The following SNTG2 variants were observed in gnomAD, a reference collection of about 807,000 sequenced individuals.
SNTG2 encodes the protein gamma-2-syntrophin.
A neutral mutation model predicts 70.9 loss-of-function variants in SNTG2; 74 were observed. The observed-to-expected ratio is 1.04, with a 90% CI of 0.86 to 1.27. SNTG2 has a LOEUF of 1.27. Among genes scored for constraint, SNTG2 ranks in the 50% most tolerant of loss-of-function variants. The pLI is 0.00. For missense variants in SNTG2, 717 were observed against 690.7 expected (o/e 1.04, Z -0.43); for synonymous variants, 278 against 273.8 (o/e 1.02, Z -0.15).
chr2:1,235,094 AG>A (rs1198651039), intron 9 of SNTG2, among the ~76,000 whole-genome samples: 1 of 152,158 alleles, frequency 6.6e-6, no homozygotes, highest in South Asian at 2.1e-4. Context: ...AATTCATGAG[AG>A]GGGGGACCCC....
Position 1,316,303 on chromosome 2 carries a change from A to G in SNTG2, c.1416A>G (p.Gly472=). 1 of 1,549,760 alleles carries G rather than the reference A, an allele frequency of 6.5e-7. No individual in the cohort carries two copies. The highest frequency in any genetic ancestry group is 2.4e-5 in the East Asian group (1 of 40,898). The part of the protein sequence containing the change: ...LWRFKFSQLK[G]SSDDGKTRVK... The stretch of plus-strand genomic sequence containing the variant: ...GATTTAAATTTTCCCAGCTTAAGGG[A>G]TCTTCAGATGATGGGAAAACTCGAG... Residue 472 remains glycine (G), a synonymous_variant, in exon 16 of 17, where the codon GGA becomes GGG. Coordinates refer to ENST00000308624, the MANE Select transcript of SNTG2 (RefSeq NM_018968.4).
At chr2:1,286,366 C>T (rs1679766769) in intron 14 of SNTG2, among the ~76,000 whole-genome samples, 1 of 152,170 alleles carries the variant, frequency 6.6e-6, no homozygotes, top group Non-Finnish European at 1.5e-5. Flanking sequence ...CCCTTCCCTG[C>T]AAAGTATTGT....
intron 8 of SNTG2, among the ~76,000 whole-genome samples, chr2:1,207,296 C>A (rs4622766): frequency 0.32 from 49,150 of 151,972 alleles, 8,459 homozygotes; most frequent in East Asian, 0.65. Context: ...CTGTAAAATT[C>A]AGCTCAGAGT....
intron 15 of SNTG2, among the ~76,000 whole-genome samples, chr2:1,315,224 T>G (rs1412741040): frequency 6.6e-6 from 1 of 152,224 alleles, no homozygotes; most frequent in Non-Finnish European, 1.5e-5. Flanking sequence ...AAACATGTGC[T>G]TTGACACTTT....
At position 1,257,955 on chromosome 2, in the gene SNTG2, T is replaced by G. The variant is rs866742307; in HGVS notation, c.1006-1415T>G. Among the ~76,000 whole-genome samples, 940 of 152,054 alleles carry G rather than the reference T, an allele frequency of 6.2e-3. 8 individuals carry two copies. The highest frequency in any genetic ancestry group is 0.022 in the African/African-American group (899 of 41,430). ...TCTCTGAATAGGGTGTTTAGTGGGT[T>G]TTTTTTCCCCTTTATATTTACAGCC... On this transcript the variant is annotated intron_variant, in intron 12 of 16. Coordinates refer to ENST00000308624, the MANE Select transcript of SNTG2 (RefSeq NM_018968.4).
intron 13 of SNTG2, among the ~76,000 whole-genome samples, chr2:1,260,795 G>T (rs961868538): frequency 1.3e-5 from 2 of 152,176 alleles, no homozygotes; most frequent in Admixed American, 6.5e-5. Flanking sequence ...ATTCGTAGAA[G>T]AATTCTTGGC....
intron 7 of SNTG2, among the ~76,000 whole-genome samples, chr2:1,170,412 G>A (rs1447661979): frequency 3.3e-5 from 5 of 152,272 alleles, no homozygotes; most frequent in Admixed American, 2.6e-4. Flanking sequence ...CTCGGCAGCC[G>A]GGAATTTCCT....
At chr2:1,300,765 T>G (rs1680426769) in intron 14 of SNTG2, among the ~76,000 whole-genome samples, 2 of 152,210 alleles carry the variant, frequency 1.3e-5, no homozygotes, top group African/African-American at 4.8e-5. Flanking sequence ...GCGTGAATTT[T>G]TAATATATTT....
chr2:1,017,556 C>G (rs1659942279), intron 1 of SNTG2, among the ~76,000 whole-genome samples: 1 of 152,168 alleles, frequency 6.6e-6, no homozygotes, highest in South Asian at 2.1e-4. Flanking sequence ...GGGACACACA[C>G]ACACATACAC....
chr2:1,177,476 G>C (rs1671556960), intron 8 of SNTG2, among the ~76,000 whole-genome samples: 1 of 145,664 alleles, frequency 6.9e-6, no homozygotes, highest in Non-Finnish European at 1.5e-5. Context: ...ATGTACTCTG[G>C]AACTTAAAAA....
At chr2:1,282,049 A>G (rs560468998) in intron 14 of SNTG2, among the ~76,000 whole-genome samples, 1 of 152,194 alleles carries the variant, frequency 6.6e-6, no homozygotes, top group African/African-American at 2.4e-5. Context: ...GCCTGCCTGG[A>G]GCTGTCAGTT....
chr2:959,108 A>T (rs1253565578), intron 1 of SNTG2, among the ~76,000 whole-genome samples: 1 of 146,452 alleles, frequency 6.8e-6, no homozygotes, highest in Non-Finnish European at 1.5e-5. Context: ...AATTATATTT[A>T]AAAAATTCAT....
At chr2:1,261,006 TTA>T (rs1248669481) in intron 13 of SNTG2, among the ~76,000 whole-genome samples, 1 of 152,182 alleles carries the variant, frequency 6.6e-6, no homozygotes, top group African/African-American at 2.4e-5. Context: ...TAAAAAAATT[TTA>T]GTCAGTAAAT....
At chr2:1,106,597 T>A (rs1314646962) in intron 4 of SNTG2, among the ~76,000 whole-genome samples, 1 of 115,150 alleles carries the variant, frequency 8.7e-6, no homozygotes, top group African/African-American at 3.1e-5. Flanking sequence ...AGTGGACACG[T>A]GCTGTCACTT....
At chr2:961,961 C>T (rs1660364431) in intron 1 of SNTG2, among the ~76,000 whole-genome samples, 1 of 152,230 alleles carries the variant, frequency 6.6e-6, no homozygotes, top group Admixed American at 6.5e-5. Flanking sequence ...TACTTCTTCC[C>T]AGATGAGCAG....
At chr2:1,170,212 G>T (rs1274892712) in intron 7 of SNTG2, among the ~76,000 whole-genome samples, 1 of 152,156 alleles carries the variant, frequency 6.6e-6, no homozygotes, top group Non-Finnish European at 1.5e-5. Context: ...CACAAGTCAG[G>T]CTCTTGGTCT....
intron 1 of SNTG2, among the ~76,000 whole-genome samples, chr2:1,066,932 A>C (rs570710373): frequency 6.6e-6 from 1 of 152,046 alleles, no homozygotes; most frequent in African/African-American, 2.4e-5. Context: ...CAAAGCTCTC[A>C]TCTCCTCTGC....
At chr2:1,364,599 C>CAA (rs201519088) in intron 16 of SNTG2, among the ~76,000 whole-genome samples, 31 of 149,188 alleles carry the variant, frequency 2.1e-4, no homozygotes, top group East Asian at 1.6e-3. Context: ...ACTAAAAATA[C>CAA]AAAAAAAAAT....
At chr2:1,075,619 A>C (rs1488329314) in intron 1 of SNTG2, among the ~76,000 whole-genome samples, 6 of 152,084 alleles carry the variant, frequency 3.9e-5, no homozygotes, top group Non-Finnish European at 8.8e-5. Flanking sequence ...TTTTCTTCTT[A>C]TCCGAATTGT....
Sources: gnomAD v4.1 joint callset for allele counts (sites outside exome capture counted in the v4.1 genomes callset) on GRCh38, gnomAD v4.1.1 for gene constraint, MANE v1.5 for transcripts, NCBI Gene and HGNC (gene_info 2026-07-23, HGNC 2026-07-21) for gene names.